CAB39: variants seen among roughly 807,000 people sequenced by gnomAD.
CAB39 encodes the protein calcium-binding protein 39.
In CAB39, 8 loss-of-function variants were observed where a neutral mutation model predicts 40.0. The observed-to-expected ratio is 0.20, with a 90% CI of 0.12 to 0.36. CAB39 has a LOEUF of 0.36. CAB39 is among the 10% of genes least tolerant of loss of function. The pLI, the probability that CAB39 is intolerant of heterozygous loss-of-function variation, is 1.00. For synonymous variants in CAB39, 156 were observed against 141.6 expected (o/e 1.10, Z -0.72); for missense variants, 270 against 401.1 (o/e 0.67, Z 2.79).
intron 8 of CAB39, 38 bp from the exon 9 acceptor site, chr2:230,818,478 C>T (rs1696444122): frequency 1.3e-6 from 2 of 1,582,454 alleles, no homozygotes; most frequent in Admixed American, 1.7e-5. Context: ...TGCGTTTTGT[C>T]CTTTCTCTGT....
chr2:230,773,312 A>ATATATGTG (rs1553673061), intron 2 of CAB39, among the ~76,000 whole-genome samples: 1 of 85,108 alleles, frequency 1.2e-5, no homozygotes, highest in African/African-American at 6.1e-5. Context: ...ATATATATAT[A>ATATATGTG]TATGTGTGTG....
At chr2:230,783,438 G>A (rs1191474676) in intron 2 of CAB39, among the ~76,000 whole-genome samples, 1 of 134,646 alleles carries the variant, frequency 7.4e-6, no homozygotes, top group Non-Finnish European at 1.5e-5. Flanking sequence ...GTCTGTTCTT[G>A]TCTAGTTTTG....
intron 5 of CAB39, among the ~76,000 whole-genome samples, chr2:230,804,407 A>G (rs534246037): frequency 2.0e-5 from 3 of 152,342 alleles, no homozygotes; most frequent in East Asian, 3.9e-4. Context: ...AATGGGATCT[A>G]AATAAAGAGC....
chr2:230,762,573 G>A (rs62193631), intron 2 of CAB39, among the ~76,000 whole-genome samples: 2 of 152,278 alleles, frequency 1.3e-5, no homozygotes, highest in African/African-American at 2.4e-5. Context: ...ATACATGTCT[G>A]CTGGAACTGC....
chr2:230,720,340 G>A lies in CAB39; in HGVS notation c.-44+7110G>A, dbSNP rs143176901. The stretch of plus-strand genomic sequence containing the variant: ...TAGATCACAGGGTTCTTTGCAGCTC[G>A]GGATTCTATCACTGGTAAGAGATAA... On this transcript the variant is annotated intron_variant, in intron 1 of 8. Transcript: ENST00000258418. Among the ~76,000 whole-genome samples, 61 of 152,280 alleles carry A rather than the reference G, an allele frequency of 4.0e-4. 1 individual carries two copies. The highest frequency in any genetic ancestry group is 1.4e-3 in the African/African-American group (59 of 41,542).
intron 2 of CAB39, among the ~76,000 whole-genome samples, chr2:230,772,982 TAAAA>T (rs10713369): frequency 2.6e-5 from 3 of 115,076 alleles, no homozygotes; most frequent in Non-Finnish European, 1.9e-5. Flanking sequence ...TACTCAGCAA[TAAAA>T]AAAAAAAAAA....
intron 2 of CAB39, among the ~76,000 whole-genome samples, chr2:230,788,965 A>T (rs968107239): frequency 6.6e-6 from 1 of 152,194 alleles, no homozygotes; most frequent in Non-Finnish European, 1.5e-5. Context: ...TTCGTCCATT[A>T]TGTCTTCAAA....
At chr2:230,793,538 T>C (rs1218282122) in intron 4 of CAB39, among the ~76,000 whole-genome samples, 2 of 152,226 alleles carry the variant, frequency 1.3e-5, no homozygotes, top group Non-Finnish European at 2.9e-5. Flanking sequence ...AATTTAAAAT[T>C]AGGTGAATTC....
intron 2 of CAB39, among the ~76,000 whole-genome samples, chr2:230,768,004 A>C (rs952473646): frequency 2.0e-5 from 3 of 152,152 alleles, no homozygotes; most frequent in Non-Finnish European, 4.4e-5. Flanking sequence ...TTTCCTGTGC[A>C]CTATACGTAA....
chr2:230,727,400 A>AT (rs1343384694), intron 1 of CAB39, among the ~76,000 whole-genome samples: 3 of 62,430 alleles, frequency 4.8e-5, no homozygotes, highest in Non-Finnish European at 9.6e-5. Context: ...GTGTGTGTGT[A>AT]TTTTTTTTTC....
chr2:230,791,175 C>A, intron 3 of CAB39, 139 bp downstream of exon 3: 1 of 615,346 alleles, frequency 1.6e-6, no homozygotes, highest in Non-Finnish European at 2.6e-6. Flanking sequence ...CATGCCTGGG[C>A]TGCCTGCCTG....
chr2:230,771,330 GAAA>G (rs751836642), intron 2 of CAB39, among the ~76,000 whole-genome samples: 1 of 151,878 alleles, frequency 6.6e-6, no homozygotes, highest in Non-Finnish European at 1.5e-5. Flanking sequence ...AAAAGAAAAA[GAAA>G]AAAACTAGCA....
At chr2:230,761,406 T>C (rs1365391872) in intron 2 of CAB39, among the ~76,000 whole-genome samples, 1 of 152,164 alleles carries the variant, frequency 6.6e-6, no homozygotes, top group Admixed American at 6.5e-5. Flanking sequence ...ATACCATTAA[T>C]AATACCAGGC....
chr2:230,806,042 A>T, intron 5 of CAB39, among the ~76,000 whole-genome samples: 1 of 152,184 alleles, frequency 6.6e-6, no homozygotes, highest in African/African-American at 2.4e-5. Context: ...AATACAGATA[A>T]CTGAGGTCTT....
chr2:230,791,804 T>C (rs1575950084), intron 3 of CAB39, among the ~76,000 whole-genome samples: 1 of 152,186 alleles, frequency 6.6e-6, no homozygotes, highest in African/African-American at 2.4e-5. Flanking sequence ...GTTAAATATT[T>C]AGTGGATTTA....
At chr2:230,792,123 G>C (rs1334072460) in intron 3 of CAB39, among the ~76,000 whole-genome samples, 1 of 152,136 alleles carries the variant, frequency 6.6e-6, no homozygotes, top group African/African-American at 2.4e-5. Flanking sequence ...TTTTATTTCT[G>C]TCCTACTGTA....
chr2:230,722,842 T>C (rs891687635), intron 1 of CAB39, among the ~76,000 whole-genome samples: 2 of 152,214 alleles, frequency 1.3e-5, no homozygotes, highest in Non-Finnish European at 2.9e-5. Flanking sequence ...GGATGTATCA[T>C]TTGTTGTGAT....
intron 5 of CAB39, 195 bp downstream of exon 5, chr2:230,799,092 A>G (rs1277243624): frequency 2.1e-6 from 1 of 486,502 alleles, no homozygotes; most frequent in East Asian, 3.2e-5. Context: ...GTTAGATTCT[A>G]AAGTCTATCT....
intron 7 of CAB39, among the ~76,000 whole-genome samples, chr2:230,816,719 A>T (rs191208962): frequency 6.6e-6 from 1 of 152,154 alleles, no homozygotes; most frequent in East Asian, 1.9e-4. Context: ...CAGGCCTGAT[A>T]CGTGCTTTGC....
Sources: allele counts gnomAD v4.1 joint callset (sites outside exome capture counted in the v4.1 genomes callset), GRCh38; gene constraint gnomAD v4.1.1; transcripts MANE v1.5; gene names NCBI Gene and HGNC (gene_info 2026-07-23, HGNC 2026-07-21).